Variants in RNF17 observed in about 807,000 individuals in gnomAD.
The protein encoded by RNF17 is ring finger protein 17.
RNF17 carries 31 observed loss-of-function variants against 200.5 expected under a neutral mutation model. The observed-to-expected ratio is 0.15, with a 90% CI of 0.12 to 0.21. The LOEUF (loss-of-function observed/expected upper bound fraction) is 0.21. Ranked by LOEUF, RNF17 falls within the 10% of genes least tolerant of loss-of-function variation. The pLI is 1.00. For missense variants in RNF17, 1,628 were observed against 1,905.1 expected, an observed-to-expected ratio of 0.85 and a Z score of 2.71; for synonymous variants, 606 against 637.8, an observed-to-expected ratio of 0.95 and a Z score of 0.75.
At chr13:24,847,273 C>A (rs1891356841) in intron 22 of RNF17, among the ~76,000 whole-genome samples, 1 of 151,966 alleles carries the variant, frequency 6.6e-6, no homozygotes, top group Non-Finnish European at 1.5e-5. Context: ...AGTACCTTAC[C>A]CAAAGTTATC....
chr13:24,789,420 C>A lies in RNF17; in HGVS notation c.856C>A (p.Pro286Thr), dbSNP rs1383674764. The A allele has an allele frequency of 1.3e-6, 2 of 1,591,128 alleles. No homozygotes were observed. The highest frequency in any genetic ancestry group is 1.7e-5 in the Admixed American group (1 of 59,866). Reference sequence around the variant, plus strand: ...TAGTTCTCCACAACTAAGGAACCCTCCCAGGTAAGTAAGTCATAGTTCAGG... The same window carrying A: ...TAGTTCTCCACAACTAAGGAACCCTACCAGGTAAGTAAGTCATAGTTCAGG... ...QVSSPQLRNP[P>T]RLSVNCSEII... Residue 286 changes from proline to threonine, a missense_variant, in exon 8 of 36, where the codon CCC (proline) becomes ACC (threonine). Pro to Thr is a conservative substitution (Grantham distance 38, BLOSUM62 -1). Transcript: ENST00000255324.
Position 24,879,269 on chromosome 13 carries a change from CAGATAA to C in RNF17, c.4861_4866del (p.Lys1621_Asp1622del), listed in dbSNP as rs1195764840. 4 of 1,609,988 alleles carry C rather than the reference CAGATAA, an allele frequency of 2.5e-6. No homozygotes were observed. In the East Asian group the frequency reaches 8.9e-5, roughly 36 times the overall value. ...ATGCCGTTGGTAGAAATGGGGCTTG[CAGATAA>C]AGATGAATAAGTGCCTAAGTGTAAG... is the stretch of plus-strand genomic sequence containing the variant. On this transcript the variant is annotated inframe_deletion, in exon 35 of 36. Transcript: ENST00000255324.
downstream of RNF17, among the ~76,000 whole-genome samples, chr13:24,881,980 C>CTATA (rs540885156): frequency 8.9e-4 from 3 of 3,382 alleles, no homozygotes; most frequent in Non-Finnish European, 1.7e-3. Context: ...ATAGATACAT[C>CTATA]TAGATATATA....
chr13:24,808,540 T>C (rs1037746123), intron 15 of RNF17, among the ~76,000 whole-genome samples: 2 of 115,878 alleles, frequency 1.7e-5, no homozygotes, highest in African/African-American at 7.1e-5. Flanking sequence ...TAAGGAGATT[T>C]TGGGCTGAGA....
At chr13:24,886,719 C>T in the RNF17 span, among the ~76,000 whole-genome samples, 1 of 152,194 alleles carries the variant, frequency 6.6e-6, no homozygotes, top group East Asian at 1.9e-4. Context: ...AGCTGTGTGA[C>T]ATCATTTCTC....
chr13:24,863,344 T>C (rs1233918226), intron 28 of RNF17, among the ~76,000 whole-genome samples: 2 of 152,206 alleles, frequency 1.3e-5, no homozygotes, highest in African/African-American at 4.8e-5. Context: ...GGAAATGAAA[T>C]GCACAAAGGT....
chr13:24,806,714 T>A (rs1024070547), intron 15 of RNF17, among the ~76,000 whole-genome samples: 2 of 151,804 alleles, frequency 1.3e-5, no homozygotes, highest in African/African-American at 4.8e-5. Context: ...TAGTTACATA[T>A]GTATACATGT....
chr13:24,874,349 C>A, intron 33 of RNF17, 100 bp downstream of exon 33: 3 of 954,220 alleles, frequency 3.1e-6, no homozygotes, highest in Non-Finnish European at 4.4e-6. Context: ...AAGGGTTATT[C>A]TAAGGCTGTT....
chr13:24,774,326 C>T lies in RNF17; in HGVS notation c.226-487C>T, dbSNP rs574716157. Among the ~76,000 whole-genome samples, 8 of 152,310 alleles carry T rather than the reference C, an allele frequency of 5.3e-5. No individual in the cohort carries two copies. In the South Asian group the frequency reaches 1.7e-3, roughly 32 times the overall value. ...CCAGGTTCAAGCAATTCTCCTGCCT[C>T]AGCCTCCCTAGTAGCTGGGATTACA... On this transcript the variant is annotated intron_variant, in intron 2 of 35. Coordinates refer to ENST00000255324, the MANE Select transcript of RNF17 (RefSeq NM_031277.3).
intron 18 of RNF17, among the ~76,000 whole-genome samples, chr13:24,835,025 C>T (rs12429427): frequency 0.12 from 18,826 of 152,024 alleles, 1,270 homozygotes; most frequent in Admixed American, 0.15. Context: ...TTTGCGTGGG[C>T]GCTGGGTGAG....
intron 12 of RNF17, 79 bp downstream of exon 12, chr13:24,799,663 T>G: frequency 1.2e-6 from 1 of 864,592 alleles, no homozygotes; most frequent in South Asian, 1.7e-5. Flanking sequence ...ATAAAGGAAA[T>G]TAGAGGTAGA....
At chr13:24,882,562 C>CAA (rs1254673400), downstream of RNF17, 1 of 153,342 alleles carries the variant, frequency 6.5e-6, no homozygotes, top group African/African-American at 2.4e-5. Context: ...CCTCCACTCT[C>CAA]AAGTATCCCA....
In RNF17 at chr13:24,765,198, G is replaced by A. The variant is rs994963015; in HGVS notation, c.130+865G>A. Among the ~76,000 whole-genome samples the A allele has an allele frequency of 5.3e-5, 8 of 151,980 alleles. 1 individual carries two copies. The highest frequency in any genetic ancestry group is 1.5e-4 in the African/African-American group (6 of 41,366). On this transcript the variant is annotated intron_variant, in intron 1 of 35. Transcript: ENST00000255324. ...GCCCGGCTAATTTTTTGTATATTTA[G>A]TAGAGACAGGGTTTCACCGTGTTAG... is the stretch of plus-strand genomic sequence containing the variant.
upstream of RNF17, among the ~76,000 whole-genome samples, chr13:24,759,442 T>A (rs761904428): frequency 5.9e-5 from 9 of 152,226 alleles, no homozygotes; most frequent in South Asian, 2.1e-4. Context: ...TAATTTATTT[T>A]CAGAACCCTC....
chr13:24,857,070 G>A (rs1352748143), intron 25 of RNF17, among the ~76,000 whole-genome samples: 2 of 152,144 alleles, frequency 1.3e-5, no homozygotes, highest in African/African-American at 2.4e-5. Context: ...TTAGAGTTAG[G>A]AACTTTAGGG....
intron 28 of RNF17, among the ~76,000 whole-genome samples, chr13:24,864,447 T>C (rs994721799): frequency 6.6e-6 from 1 of 152,194 alleles, no homozygotes; most frequent in African/African-American, 2.4e-5. Flanking sequence ...ATTCAGAGTT[T>C]TAAAGTTACC....
At chr13:24,827,331 G>A (rs1669048445) in intron 16 of RNF17, among the ~76,000 whole-genome samples, 1 of 152,022 alleles carries the variant, frequency 6.6e-6, no homozygotes, top group African/African-American at 2.4e-5. Flanking sequence ...AATCAGTTCT[G>A]TTTGTATCAA....
chr13:24,839,701 C>G (rs1438665259), intron 18 of RNF17, among the ~76,000 whole-genome samples: 1 of 152,150 alleles, frequency 6.6e-6, no homozygotes, highest in Non-Finnish European at 1.5e-5. Context: ...GAAACTGGAT[C>G]CGCATCTCTT....
At chr13:24,844,336 G>T (rs922161212) in intron 20 of RNF17, among the ~76,000 whole-genome samples, 4 of 152,114 alleles carry the variant, frequency 2.6e-5, no homozygotes, top group Non-Finnish European at 5.9e-5. Flanking sequence ...AAGGGAAATA[G>T]AAAAAACTAA....
Sources: gnomAD v4.1 joint callset for allele counts (sites outside exome capture counted in the v4.1 genomes callset) on GRCh38, gnomAD v4.1.1 for gene constraint, MANE v1.5 for transcripts, NCBI Gene and HGNC (gene_info 2026-07-23, HGNC 2026-07-21) for gene names.